Variants in MYCN observed in about 807,000 individuals in gnomAD.
MYCN encodes the protein N-myc proto-oncogene protein.
A neutral mutation model predicts 28.1 loss-of-function variants in MYCN; 3 were observed. That is an observed-to-expected ratio of 0.11 (90% CI 0.05 to 0.28). MYCN has a LOEUF of 0.28. MYCN is among the 10% of genes least tolerant of loss of function. The probability of loss-of-function intolerance (pLI) is 1.00; values close to 1 mark genes in which losing one functional copy is unlikely to be tolerated. For synonymous variants in MYCN, 326 were observed against 288.3 expected (o/e 1.13, Z -1.32); for missense variants, 572 against 651.4 (o/e 0.88, Z 1.33).
chr2:15,942,893 A>C lies in MYCN; in HGVS notation c.790+39A>C, dbSNP rs2103326502. 1 of 1,554,334 alleles carries C rather than the reference A, an allele frequency of 6.4e-7. No individual in the cohort carries two copies. The highest frequency in any genetic ancestry group is 1.7e-4 in the Middle Eastern group (1 of 5,864). On this transcript the variant is annotated intron_variant, in intron 2 of 2. Transcript: ENST00000281043. The surrounding 1 kb of genome is among the most constrained non-coding windows in gnomAD (Gnocchi z 7.0). ...TCGGGTCCGGCTGCCTCCCTGGGGC[A>C]CTGGACCCCGGGTCGCGTCCCCTTT... is the stretch of plus-strand genomic sequence containing the variant.
In MYCN at chr2:15,942,722, G is replaced by C. The variant is rs745414155; in HGVS notation, c.658G>C (p.Ala220Pro). Residue 220 changes from alanine to proline, a missense_variant, in exon 2 of 3, where the codon GCC becomes CCC. Physicochemically the swap from Ala to Pro is conservative, Grantham distance 27 (BLOSUM62 -1). Coordinates refer to ENST00000281043, the MANE Select transcript of MYCN (RefSeq NM_005378.6). This position sits in a 1 kb window ranked among gnomAD's most constrained non-coding sequence, Gnocchi z 7.0. Reference protein sequence around the residue: ...ASAPAAGPAVASGAGIAAPAG... With the variant: ...ASAPAAGPAVPSGAGIAAPAG... ...TGCCCCGGCGGCGGGCCCTGCGGTC[G>C]CCTCGGGGGCGGGTATTGCCGCCCC... 4 of 1,209,384 alleles carry C rather than the reference G, an allele frequency of 3.3e-6. No homozygotes were observed. The highest frequency in any genetic ancestry group is 4.1e-6 in the Non-Finnish European group (4 of 976,378). The allele number at this position is 1,209,384 out of a possible 1,614,324, so 74.9% of individuals were successfully genotyped here.
rs766377180 is a variant in MYCN, at chr2:15,940,575, C to G, written c.-286C>G. 2.2e-4 allele frequency: 90 copies of G among 400,144 alleles called. No individual in the cohort carries two copies. The highest frequency in any genetic ancestry group is 3.5e-4 in the Non-Finnish European group (79 of 226,262). The allele number at this position is 400,144 out of a possible 1,614,324, so 24.8% of individuals were successfully genotyped here. A position where few individuals can be genotyped will look rare whatever the true frequency, so the allele number is the denominator to read the frequency against. On this transcript the variant is annotated 5_prime_UTR_variant, in exon 1 of 3. Coordinates refer to ENST00000281043, the MANE Select transcript of MYCN (RefSeq NM_005378.6). ...AGGCTGTGACAGTCATCTGTCTGGA[C>G]GCGCTGGGTGGATGCGGGGGGCTCC...
At chr2:15,940,764 A>G (rs966464896) in intron 1 of MYCN, 21 bp downstream of exon 1, 2 of 398,412 alleles carry the variant, frequency 5.0e-6, no homozygotes, top group Non-Finnish European at 8.9e-6. Context: ...GGGCTTGCAA[A>G]CCGCCCGGCG....
chr2:15,945,994 A>G lies in MYCN; in HGVS notation c.1292A>G (p.His431Arg). The change falls in exon 3 of 3, where the codon CAC (histidine) becomes CGC (arginine). Residue 431 changes from histidine (H) to arginine (R), a missense_variant. Physicochemically the swap from His to Arg is conservative, Grantham distance 29 (BLOSUM62 0). Transcript: ENST00000281043. This position sits in a 1 kb window ranked among gnomAD's most constrained non-coding sequence, Gnocchi z 4.8. Reference protein sequence around the residue: ...VILKKATEYVHSLQAEEHQLL... With the variant: ...VILKKATEYVRSLQAEEHQLL... ...TTGAAAAAGGCCACTGAGTATGTCC[A>G]CTCCCTCCAGGCCGAGGAGCACCAG... 2 of 1,614,058 alleles carry G rather than the reference A, an allele frequency of 1.2e-6. No individual in the cohort carries two copies. Among genetic ancestry groups the G allele is most frequent in the Non-Finnish European group, 1.7e-6 (2 of 1,180,020 alleles).
chr2:15,942,738 T>C lies in MYCN; in HGVS notation c.674T>C (p.Ile225Thr), dbSNP rs1054865907. The change falls in exon 2 of 3, where the codon ATT (isoleucine) becomes ACT (threonine). Residue 225 changes from isoleucine to threonine, a missense_variant. This residue lies in a region of MYCN where 499 missense variants were observed against 524.3 expected (regional missense o/e 0.95). Transcript: ENST00000281043. The surrounding 1 kb of genome is among the most constrained non-coding windows in gnomAD (Gnocchi z 7.0). ...AGPAVASGAG[I>T]AAPAGAPGVA... ...CCTGCGGTCGCCTCGGGGGCGGGTATTGCCGCCCCAGCCGGGGCCCCGGGG... is the reference window on the plus strand; with the variant it reads ...CCTGCGGTCGCCTCGGGGGCGGGTACTGCCGCCCCAGCCGGGGCCCCGGGG... 7 of 1,337,196 alleles carry C rather than the reference T, an allele frequency of 5.2e-6. No homozygotes were observed. In the African/African-American group the frequency reaches 9.1e-5, roughly 17 times the overall value. The allele number at this position is 1,337,196 out of a possible 1,614,324, so 82.8% of individuals were successfully genotyped here. A position where few individuals can be genotyped will look rare whatever the true frequency, so the allele number is the denominator to read the frequency against.
intron 2 of MYCN, among the ~76,000 whole-genome samples, chr2:15,944,419 CTGTGGATTA>C (rs1211944886): frequency 6.6e-6 from 1 of 152,160 alleles, no homozygotes; most frequent in Non-Finnish European, 1.5e-5. Context: ...TTTATACCAA[CTGTGGATTA>C]TGGCTTTGTC....
rs886796492 is a variant in MYCN at position 15,942,451 on chromosome 2, C to T, written c.387C>T (p.Ala129=). 3.8e-6 allele frequency: 6 copies of T among 1,594,576 alleles called. No homozygotes were observed. The highest frequency in any genetic ancestry group is 5.1e-6 in the Non-Finnish European group (6 of 1,176,756). The change falls in exon 2 of 3, where the codon GCC becomes GCT. Residue 129 remains alanine, a synonymous_variant. Transcript: ENST00000281043. This position sits in a 1 kb window ranked among gnomAD's most constrained non-coding sequence, Gnocchi z 7.0. ...GFSAREKLER[A]VSEKLQHGRG... ...CCGCCCGCGAGAAGCTGGAGCGCGC[C>T]GTGAGCGAGAAGCTGCAGCACGGCC...
rs1335545206 is a variant in MYCN at position 15,945,207 on chromosome 2, C to G, written c.791-286C>G. Among the ~76,000 whole-genome samples the G allele has an allele frequency of 6.6e-6, 1 of 152,000 alleles. No homozygotes were observed. The highest frequency in any genetic ancestry group is 1.5e-5 in the Non-Finnish European group (1 of 68,016). On this transcript the variant is annotated intron_variant, in intron 2 of 2. Transcript: ENST00000281043. This position sits in a 1 kb window ranked among gnomAD's most constrained non-coding sequence, Gnocchi z 4.8. ...TAGAGACAGGGTTTCACCATGTTGG[C>G]CAGGCTGATCTTGAACTCCTCATCT...
In MYCN at chr2:15,945,794, C is replaced by A. The variant is rs752702966; in HGVS notation, c.1092C>A (p.Pro364=). The stretch of plus-strand genomic sequence containing the variant: ...CACGTCCGCTCAAGAGTGTCATCCC[C>A]CCAAAGGCTAAGAGCTTGAGCCCCC... ...ASPRPLKSVI[P]PKAKSLSPRN... Residue 364 remains proline, a synonymous_variant, in exon 3 of 3, where the codon CCC becomes CCA. Coordinates refer to ENST00000281043, the MANE Select transcript of MYCN (RefSeq NM_005378.6). The surrounding 1 kb of genome is among the most constrained non-coding windows in gnomAD (Gnocchi z 4.8). 8.1e-6 allele frequency: 13 copies of A among 1,614,078 alleles called. No individual in the cohort carries two copies. Among genetic ancestry groups the A allele is most frequent in the Non-Finnish European group, 1.1e-5 (13 of 1,180,032 alleles).
rs1397224785 is a variant in MYCN, at chr2:15,942,542, C to G, written c.478C>G (p.Arg160Gly). ...PGAGAASPAGRGHGGAAGAGR... is the reference protein window; with the variant it reads ...PGAGAASPAGGGHGGAAGAGR... ...AGCCGGCGCCGCCAGCCCTGCGGGT[C>G]GCGGGCACGGCGGGGCTGCGGGAGC... Residue 160 changes from arginine to glycine, a missense_variant, in exon 2 of 3, where the codon CGC (arginine) becomes GGC (glycine). Around this residue, in one of 3 missense-constraint regions of MYCN, gnomAD observed 499 missense variants for 524.3 expected, o/e 0.95. Coordinates refer to ENST00000281043, the MANE Select transcript of MYCN (RefSeq NM_005378.6). The surrounding 1 kb of genome is among the most constrained non-coding windows in gnomAD (Gnocchi z 7.0). 1 of 1,284,956 alleles carries G rather than the reference C, an allele frequency of 7.8e-7. No individual in the cohort carries two copies. The highest frequency in any genetic ancestry group is 1.6e-5 in the African/African-American group (1 of 63,852). The allele number at this position is 1,284,956 out of a possible 1,614,324, so 79.6% of individuals were successfully genotyped here.
chr2:15,945,739 C>G lies in MYCN; in HGVS notation c.1037C>G (p.Pro346Arg). The change falls in exon 3 of 3, where the codon CCA becomes CGA. Residue 346 changes from proline (P) to arginine (R), a missense_variant. By Grantham distance (103) the Pro-to-Arg change is moderately radical (BLOSUM62 -2). Transcript: ENST00000281043. The surrounding 1 kb of genome is among the most constrained non-coding windows in gnomAD (Gnocchi z 4.8). ...SPYVESEDAP[P>R]QKKIKSEASP... ...TACGTGGAGAGTGAGGATGCACCCC[C>G]ACAGAAGAAGATAAAGAGCGAGGCG... is the stretch of plus-strand genomic sequence containing the variant. 6.2e-7 allele frequency: 1 copy of G among 1,614,116 alleles called. No individual in the cohort carries two copies.
rs1662834353 is a variant in MYCN at position 15,945,392 on chromosome 2, T to A, written c.791-101T>A. On this transcript the variant is annotated intron_variant, in intron 2 of 2. Transcript: ENST00000281043. This position sits in a 1 kb window ranked among gnomAD's most constrained non-coding sequence, Gnocchi z 4.8. ...CCATAAAAATAGCAGTCTGCCAGGG[T>A]CTGCCGGAAGAGACAGATAAGCATA... The A allele has an allele frequency of 2.2e-6, 3 of 1,388,720 alleles. No homozygotes were observed. The South Asian group carries it at 3.8e-5, about 17-fold the overall frequency. The allele number at this position is 1,388,720 out of a possible 1,614,324, so 86.0% of individuals were successfully genotyped here. A position where few individuals can be genotyped will look rare whatever the true frequency, so the allele number is the denominator to read the frequency against.
chr2:15,942,655 G>A lies in MYCN; in HGVS notation c.591G>A (p.Val197=). Residue 197 remains valine (V), a synonymous_variant, in exon 2 of 3, where the codon GTG becomes GTA. Transcript: ENST00000281043. The surrounding 1 kb of genome is among the most constrained non-coding windows in gnomAD (Gnocchi z 7.0). ...CCGCCGTGGTCTTCCCCTTTCCCGTGAACAAGCGCGAGCCAGCGCCCGTGC... is the reference window on the plus strand; with the variant it reads ...CCGCCGTGGTCTTCCCCTTTCCCGTAAACAAGCGCGAGCCAGCGCCCGTGC... ...VDPAVVFPFP[V]NKREPAPVPA... is the part of the protein sequence containing the mutation. 1.1e-5 allele frequency: 13 copies of A among 1,163,494 alleles called. No homozygotes were observed. Among genetic ancestry groups the A allele is most frequent in the Non-Finnish European group, 1.4e-5 (13 of 941,842 alleles). The allele number at this position is 1,163,494 out of a possible 1,614,324, so 72.1% of individuals were successfully genotyped here.
intron 1 of MYCN, 189 bp downstream of exon 1, chr2:15,940,932 C>T (rs1572215085): frequency 5.0e-6 from 2 of 396,486 alleles, no homozygotes; most frequent in East Asian, 7.1e-5. Context: ...CGAAGGCATC[C>T]TGGCTAGAGG....
chr2:15,943,127 A>G (rs1409953909), intron 2 of MYCN, among the ~76,000 whole-genome samples: 1 of 152,080 alleles, frequency 6.6e-6, no homozygotes, highest in Non-Finnish European at 1.5e-5. Context: ...ACGGGCCCTC[A>G]CCCGGTCCCC....
Position 15,942,709 on chromosome 2 carries a change from G to C in MYCN, c.645G>C (p.Ala215=), listed in dbSNP as rs1662734980. The C allele has an allele frequency of 8.4e-7, 1 of 1,188,260 alleles. No individual in the cohort carries two copies. The highest frequency in any genetic ancestry group is 1.0e-6 in the Non-Finnish European group (1 of 962,124). 73.6% of individuals were successfully genotyped at this position (1,188,260 alleles called of 1,614,324 possible). A position where few individuals can be genotyped will look rare whatever the true frequency, so the allele number is the denominator to read the frequency against. Residue 215 remains alanine, a synonymous_variant, in exon 2 of 3, where the codon GCG becomes GCC. Transcript: ENST00000281043. The surrounding 1 kb of genome is among the most constrained non-coding windows in gnomAD (Gnocchi z 7.0). The part of the protein sequence containing the change: ...VPAAPASAPA[A]GPAVASGAGI... ...CAGCCCCGGCCAGTGCCCCGGCGGC[G>C]GGCCCTGCGGTCGCCTCGGGGGCGG...
In MYCN at chr2:15,946,795, A is replaced by C. The variant is rs1457218318; in HGVS notation, c.*698A>C. ...ATATTACTTTATCACTTTTTGAACT[A>C]AGAAACTTTTGTAAAGAAATTTACT... On this transcript the variant is annotated 3_prime_UTR_variant, in exon 3 of 3. Transcript: ENST00000281043. 3 of 223,416 alleles carry C rather than the reference A, an allele frequency of 1.3e-5. No homozygotes were observed. The highest frequency in any genetic ancestry group is 2.7e-5 in the Non-Finnish European group (3 of 111,826). 13.8% of individuals were successfully genotyped at this position (223,416 alleles called of 1,614,324 possible).
Position 15,941,769 on chromosome 2 carries a change from A to C in MYCN, c.-117-179A>C. 1.9e-6 allele frequency: 1 copy of C among 534,676 alleles called. No homozygotes were observed. The highest frequency in any genetic ancestry group is 3.4e-6 in the Non-Finnish European group (1 of 296,104). 33.1% of individuals were successfully genotyped at this position (534,676 alleles called of 1,614,324 possible). On this transcript the variant is annotated intron_variant, in intron 1 of 2. Coordinates refer to ENST00000281043, the MANE Select transcript of MYCN (RefSeq NM_005378.6). This position sits in a 1 kb window ranked among gnomAD's most constrained non-coding sequence, Gnocchi z 4.8. ...ACCCCCTGTCGTAGACAGCTTGTACACAAAAGGAGGGCGGGAGGGAGGGAG... is the reference window on the plus strand; with the variant it reads ...ACCCCCTGTCGTAGACAGCTTGTACCCAAAAGGAGGGCGGGAGGGAGGGAG...
At position 15,945,736 on chromosome 2, in the gene MYCN, C is replaced by A. The variant is rs1662848993; in HGVS notation, c.1034C>A (p.Pro345His). The change falls in exon 3 of 3, where the codon CCC becomes CAC. Residue 345 changes from proline to histidine, a missense_variant. Around this residue, in one of 3 missense-constraint regions of MYCN, gnomAD observed 499 missense variants for 524.3 expected, o/e 0.95. Coordinates refer to ENST00000281043, the MANE Select transcript of MYCN (RefSeq NM_005378.6). This position sits in a 1 kb window ranked among gnomAD's most constrained non-coding sequence, Gnocchi z 4.8. ...CCCTACGTGGAGAGTGAGGATGCACCCCCACAGAAGAAGATAAAGAGCGAG... is the reference window on the plus strand; with the variant it reads ...CCCTACGTGGAGAGTGAGGATGCACACCCACAGAAGAAGATAAAGAGCGAG... The part of the protein sequence containing the change: ...PSPYVESEDA[P>H]PQKKIKSEAS... The A allele has an allele frequency of 1.2e-6, 2 of 1,613,928 alleles. No individual in the cohort carries two copies. The highest frequency in any genetic ancestry group is 2.2e-5 in the South Asian group (2 of 91,080).
Sources: gnomAD v4.1 joint callset for allele counts (sites outside exome capture counted in the v4.1 genomes callset) on GRCh38, gnomAD v4.1.1 for gene constraint, gnomAD v4.1.1 regional missense constraint, Gnocchi (gnomAD v3.1) non-coding constraint, MANE v1.5 for transcripts, NCBI Gene and HGNC (gene_info 2026-07-23, HGNC 2026-07-21) for gene names.